SETD1B: variants seen among roughly 807,000 people sequenced by gnomAD.
The protein encoded by SETD1B is histone-lysine N-methyltransferase SETD1B.
A neutral mutation model predicts 148.0 loss-of-function variants in SETD1B; 7 were observed. That is an observed-to-expected ratio of 0.05 (90% CI 0.03 to 0.09). The LOEUF (loss-of-function observed/expected upper bound fraction) is 0.09. Among genes scored for constraint, SETD1B ranks in the 10% least tolerant of loss-of-function variants. The probability of loss-of-function intolerance (pLI) is 1.00; values close to 1 mark genes in which losing one functional copy is unlikely to be tolerated. For missense variants in SETD1B, 2,155 were observed against 2,729.9 expected (o/e 0.79, Z 4.69); for synonymous variants, 1,361 against 1,186.5 (o/e 1.15, Z -3.02).
intron 16 of SETD1B, among the ~76,000 whole-genome samples, chr12:121,828,534 G>A (rs542146039): frequency 7.2e-5 from 11 of 152,308 alleles, no homozygotes; most frequent in Admixed American, 2.0e-4. Flanking sequence ...GGGGACCTGA[G>A]TTTTAAATTT....
the SETD1B span, among the ~76,000 whole-genome samples, chr12:121,790,699 T>TAGCCACCTCCCCTGAGCCC: frequency 1.3e-5 from 2 of 152,100 alleles, no homozygotes; most frequent in Non-Finnish European, 2.9e-5. Flanking sequence ...ACTGTGAGGC[T>TAGCCACCTCCCCTGAGCCC]AGCCACCTCC....
At position 121,817,096 on chromosome 12, in the gene SETD1B, C is replaced by T. The variant is rs1172299708; in HGVS notation, c.2779C>T (p.Arg927Cys). 8 of 1,548,802 alleles carry T rather than the reference C, an allele frequency of 5.2e-6. No homozygotes were observed. The highest frequency in any genetic ancestry group is 2.4e-5 in the South Asian group (2 of 84,010). ...KDEDRPKPKD[R>C]IASCLLESWG... ...CGAGGACAGGCCGAAGCCCAAGGAC[C>T]GCATCGCCTCGTGCCTGCTGGAGTC... The change falls in exon 8 of 17, where the codon CGC (arginine) becomes TGC (cysteine). Residue 927 changes from arginine to cysteine, a missense_variant. Arg to Cys is a radical substitution (Grantham distance 180). Coordinates refer to ENST00000604567, the MANE Select transcript of SETD1B (RefSeq NM_001353345.2). This position sits in a 1 kb window ranked among gnomAD's most constrained non-coding sequence, Gnocchi z 8.1.
At chr12:121,816,118 A>T (rs1418836201) in intron 7 of SETD1B, among the ~76,000 whole-genome samples, 1 of 152,044 alleles carries the variant, frequency 6.6e-6, no homozygotes, top group African/African-American at 2.4e-5. Context: ...GTGAGCCACT[A>T]TGCCTGGTCT....
upstream of SETD1B, chr12:121,803,607 G>A (rs1036289627): frequency 4.6e-5 from 7 of 150,700 alleles, no homozygotes; most frequent in Admixed American, 1.3e-4. This position sits in a 1 kb window ranked among gnomAD's most constrained non-coding sequence, Gnocchi z 4.7. Flanking sequence ...CGGCCCCCCA[G>A]ACCCCAGCCA....
chr12:121,810,625 C>G lies in SETD1B; in HGVS notation c.1680C>G (p.Pro560=), dbSNP rs761224389. The G allele has an allele frequency of 7.3e-5, 113 of 1,548,276 alleles. No individual in the cohort carries two copies. Among genetic ancestry groups the G allele is most frequent in the Non-Finnish European group, 9.4e-5 (108 of 1,146,392 alleles). ...SQPGFRGPTP[P]SSRPSSTGLE... ...CAGGCTTCCGGGGCCCCACGCCCCCCTCGTCACGCCCCTCCAGCACCGGCC... is the reference window on the plus strand; with the variant it reads ...CAGGCTTCCGGGGCCCCACGCCCCCGTCGTCACGCCCCTCCAGCACCGGCC... The change falls in exon 6 of 17, where the codon CCC becomes CCG. Residue 560 remains proline (P), a synonymous_variant. Transcript: ENST00000604567. The surrounding 1 kb of genome is among the most constrained non-coding windows in gnomAD (Gnocchi z 7.6).
intron 16 of SETD1B, among the ~76,000 whole-genome samples, 153 bp downstream of exon 16, chr12:121,828,223 G>A (rs1448346818): frequency 6.6e-6 from 1 of 152,264 alleles, no homozygotes; most frequent in Non-Finnish European, 1.5e-5. Flanking sequence ...GAGGACATGT[G>A]AGGTCTTTTA....
chr12:121,817,599 G>A lies in SETD1B; in HGVS notation c.3207G>A (p.Glu1069=), dbSNP rs913423632. ...CGTCCTCGGCCTCCGACAAGGAGGAGGAACAGGAGAGCACCGAGGAGGAAG... is the reference window on the plus strand; with the variant it reads ...CGTCCTCGGCCTCCGACAAGGAGGAAGAACAGGAGAGCACCGAGGAGGAAG... The part of the protein sequence containing the change: ...SPSSSASDKE[E]EQESTEEEEE... Residue 1069 remains glutamate (E), a synonymous_variant, in exon 9 of 17, where the codon GAG becomes GAA. Coordinates refer to ENST00000604567, the MANE Select transcript of SETD1B (RefSeq NM_001353345.2). The surrounding 1 kb of genome is among the most constrained non-coding windows in gnomAD (Gnocchi z 8.1). 19 of 1,551,450 alleles carry A rather than the reference G, an allele frequency of 1.2e-5. No individual in the cohort carries two copies. The African/African-American group carries it at 2.2e-4, about 18-fold the overall frequency.
rs992685831 is a variant in SETD1B, at chr12:121,832,446, C to G, written c.*2207C>G. 4.6e-5 allele frequency: 7 copies of G among 152,972 alleles called. No homozygotes were observed. The highest frequency in any genetic ancestry group is 2.0e-4 in the Admixed American group (3 of 15,280). The allele number at this position is 152,972 out of a possible 1,614,324, so 9.5% of individuals were successfully genotyped here. On this transcript the variant is annotated 3_prime_UTR_variant, in exon 17 of 17. Transcript: ENST00000604567. ...CTGCTATTTTTTGCTTTCTCTCCCT[C>G]CCCCTGCAAAGATGAGAACCAATGA... is the stretch of plus-strand genomic sequence containing the variant.
rs1307524055 is a variant in SETD1B, at chr12:121,830,768, G to C, written c.*529G>C. Reference sequence around the variant, plus strand: ...CCACCCGGACCTGGACGCAGGGCCAGGTGCTGTGGGAAGGATGGAGGCCCC... The same window carrying C: ...CCACCCGGACCTGGACGCAGGGCCACGTGCTGTGGGAAGGATGGAGGCCCC... On this transcript the variant is annotated 3_prime_UTR_variant, in exon 17 of 17. Coordinates refer to ENST00000604567, the MANE Select transcript of SETD1B (RefSeq NM_001353345.2). This position sits in a 1 kb window ranked among gnomAD's most constrained non-coding sequence, Gnocchi z 5.7. The C allele has an allele frequency of 6.5e-6, 1 of 152,986 alleles. No homozygotes were observed. Among genetic ancestry groups the C allele is most frequent in the Non-Finnish European group, 1.5e-5 (1 of 68,684 alleles). 9.5% of individuals were successfully genotyped at this position (152,986 alleles called of 1,614,324 possible). A position where few individuals can be genotyped will look rare whatever the true frequency, so the allele number is the denominator to read the frequency against.
At position 121,830,225 on chromosome 12, in the gene SETD1B, G is replaced by A. The variant is rs1414275457; in HGVS notation, c.5887G>A (p.Gly1963Arg). Residue 1963 changes from glycine to arginine, a missense_variant, in exon 17 of 17, where the codon GGG (glycine) becomes AGG (arginine). Coordinates refer to ENST00000604567, the MANE Select transcript of SETD1B (RefSeq NM_001353345.2). The surrounding 1 kb of genome is among the most constrained non-coding windows in gnomAD (Gnocchi z 5.7). Reference protein sequence around the residue: ...PCLCGSENCRGTLN With the variant: ...PCLCGSENCRRTLN ...CCTCTGTGGCTCCGAGAACTGCCGG[G>A]GGACCCTCAACTAGGCCCCGGCACC... 4 of 1,550,690 alleles carry A rather than the reference G, an allele frequency of 2.6e-6. No individual in the cohort carries two copies. Among genetic ancestry groups the A allele is most frequent in the Non-Finnish European group, 2.6e-6 (3 of 1,146,756 alleles).
rs1212357270 is a variant in SETD1B, at chr12:121,823,332, C to T, written c.4753C>T (p.Pro1585Ser). The T allele has an allele frequency of 3.6e-6, 5 of 1,400,584 alleles. No homozygotes were observed. Among genetic ancestry groups the T allele is most frequent in the Non-Finnish European group, 4.8e-6 (5 of 1,039,182 alleles). 86.8% of individuals were successfully genotyped at this position (1,400,584 alleles called of 1,614,324 possible). A position where few individuals can be genotyped will look rare whatever the true frequency, so the allele number is the denominator to read the frequency against. The change falls in exon 12 of 17, where the codon CCC becomes TCC. Residue 1585 changes from proline (P) to serine (S), a missense_variant. By Grantham distance (74) the Pro-to-Ser change is moderately conservative (BLOSUM62 -1). Around this residue, in one of 11 missense-constraint regions of SETD1B, gnomAD observed 862 missense variants for 873.8 expected, o/e 0.99. Coordinates refer to ENST00000604567, the MANE Select transcript of SETD1B (RefSeq NM_001353345.2). ...RNAGIPAPPPPLPPQPPPPPP... is the reference protein window; with the variant it reads ...RNAGIPAPPPSLPPQPPPPPP... ...CGCGGGGATCCCAGCCCCTCCACCACCCCTTCCCCCCCAGCCACCCCCACC... is the reference window on the plus strand; with the variant it reads ...CGCGGGGATCCCAGCCCCTCCACCATCCCTTCCCCCCCAGCCACCCCCACC...
At chr12:121,813,995 A>T in intron 6 of SETD1B, 111 bp from the exon 7 acceptor site, 1 of 852,636 alleles carries the variant, frequency 1.2e-6, no homozygotes, top group Non-Finnish European at 1.8e-6. Context: ...AATGGCTTGC[A>T]CTGGGTCACA....
upstream of SETD1B, chr12:121,801,028 G>A (rs1431548472): frequency 6.6e-6 from 1 of 152,160 alleles, no homozygotes; most frequent in Admixed American, 6.5e-5. Context: ...ACTGGTGTTT[G>A]GGAGGAGGAG....
upstream of SETD1B, chr12:121,801,029 G>A (rs1033375727): frequency 6.6e-6 from 1 of 152,306 alleles, no homozygotes; most frequent in Admixed American, 6.5e-5. Context: ...CTGGTGTTTG[G>A]GAGGAGGAGC....
chr12:121,794,701 AC>A, the SETD1B span, among the ~76,000 whole-genome samples: 2 of 150,312 alleles, frequency 1.3e-5, no homozygotes, highest in African/African-American at 2.5e-5. Context: ...CGTAACCCCC[AC>A]CCCTCCTCTT....
rs1405136012 is a variant in SETD1B at position 121,810,743 on chromosome 12, C to T, written c.1798C>T (p.Pro600Ser). The T allele has an allele frequency of 1.3e-6, 2 of 1,550,814 alleles. No individual in the cohort carries two copies. Among genetic ancestry groups the T allele is most frequent in the Non-Finnish European group, 1.7e-6 (2 of 1,146,530 alleles). The change falls in exon 6 of 17, where the codon CCC (proline) becomes TCC (serine). Residue 600 changes from proline to serine, a missense_variant. Pro to Ser is a moderately conservative substitution (Grantham distance 74, BLOSUM62 -1). Around this residue, in one of 11 missense-constraint regions of SETD1B, gnomAD observed 295 missense variants for 303.8 expected, o/e 0.97. Transcript: ENST00000604567. This position sits in a 1 kb window ranked among gnomAD's most constrained non-coding sequence, Gnocchi z 7.6. ...LGPRPPPEPG[P>S]PDPAGLLSQT... ...GCCTCGGCCTCCACCTGAGCCAGGCCCCCCGGACCCTGCTGGGCTTCTGAG... is the reference window on the plus strand; with the variant it reads ...GCCTCGGCCTCCACCTGAGCCAGGCTCCCCGGACCCTGCTGGGCTTCTGAG...
In SETD1B at chr12:121,819,733, C is replaced by T; in HGVS notation, c.3748C>T (p.Leu1250=). The T allele has an allele frequency of 6.4e-7, 1 of 1,551,326 alleles. No homozygotes were observed. The highest frequency in any genetic ancestry group is 1.2e-5 in the South Asian group (1 of 84,050). Residue 1250 remains leucine (L), a synonymous_variant, in exon 11 of 17, where the codon CTG becomes TTG. Transcript: ENST00000604567. ...AVAPEERPSM[L]DEPPLPVGVE... ...GGCCCCTGAGGAGCGGCCCTCCATG[C>T]TGGACGAGCCCCCCTTGCCTGTGGG...
chr12:121,812,187 G>C (rs1168434344), intron 6 of SETD1B, among the ~76,000 whole-genome samples: 1 of 152,138 alleles, frequency 6.6e-6, no homozygotes, highest in East Asian at 1.9e-4. Flanking sequence ...GGCTTTCTGC[G>C]GCCGCGCGCA....
At chr12:121,806,741 CTCTT>C (rs1875764379) in intron 4 of SETD1B, among the ~76,000 whole-genome samples, 1 of 152,228 alleles carries the variant, frequency 6.6e-6, no homozygotes, top group Non-Finnish European at 1.5e-5. Flanking sequence ...TCCCTCCTCT[CTCTT>C]AAAGAGACCG....
Sources: gnomAD v4.1 joint callset for allele counts (sites outside exome capture counted in the v4.1 genomes callset) on GRCh38, gnomAD v4.1.1 for gene constraint, gnomAD v4.1.1 regional missense constraint, Gnocchi (gnomAD v3.1) non-coding constraint, MANE v1.5 for transcripts, NCBI Gene and HGNC (gene_info 2026-07-23, HGNC 2026-07-21) for gene names.